Variants in MTHFD1L observed in about 807,000 individuals in gnomAD.
MTHFD1L encodes the protein monofunctional C1-tetrahydrofolate synthase, mitochondrial.
Under a neutral mutation model 119.5 loss-of-function variants are expected in MTHFD1L, and 81 were observed. That is an observed-to-expected ratio of 0.68 (90% CI 0.57 to 0.82). The LOEUF (loss-of-function observed/expected upper bound fraction) is 0.82. Ranked by LOEUF, MTHFD1L falls within the 40% of genes least tolerant of loss-of-function variation. MTHFD1L has a pLI of 0.00. For synonymous variants in MTHFD1L, 430 were observed against 475.2 expected (o/e 0.90, Z 1.24); for missense variants, 1,125 against 1,253.4 (o/e 0.90, Z 1.55).
intron 20 of MTHFD1L, among the ~76,000 whole-genome samples, chr6:150,977,996 G>T (rs1776859204): frequency 6.6e-6 from 1 of 151,264 alleles, no homozygotes; most frequent in Non-Finnish European, 1.5e-5. Context: ...CACCTCCCAG[G>T]TTCAAGCGAT....
intron 14 of MTHFD1L, 79 bp downstream of exon 14, chr6:150,944,672 T>C (rs1793655869): frequency 9.7e-7 from 1 of 1,028,100 alleles, no homozygotes; most frequent in African/African-American, 1.6e-5. Flanking sequence ...GTGGAAAGAA[T>C]TCTGGTGTCT....
intron 26 of MTHFD1L, among the ~76,000 whole-genome samples, chr6:151,061,779 C>T (rs1790675690): frequency 6.6e-6 from 1 of 152,114 alleles, no homozygotes. Flanking sequence ...TCCTTTAAAC[C>T]ACCATAGAGA....
At chr6:150,866,998 C>T (rs1012945647) in intron 1 of MTHFD1L, among the ~76,000 whole-genome samples, 3 of 152,136 alleles carry the variant, frequency 2.0e-5, no homozygotes, top group Admixed American at 6.5e-5. Context: ...CCATTCACAT[C>T]CTCTTCCCTT....
At chr6:151,087,854 T>C (rs944368188) in intron 26 of MTHFD1L, among the ~76,000 whole-genome samples, 1 of 152,250 alleles carries the variant, frequency 6.6e-6, no homozygotes, top group Non-Finnish European at 1.5e-5. Flanking sequence ...ATTAGGGTCA[T>C]GAAGGGCAAA....
At chr6:151,017,186 A>C (rs573039898) in intron 24 of MTHFD1L, among the ~76,000 whole-genome samples, 96 of 152,216 alleles carry the variant, frequency 6.3e-4, no homozygotes, top group African/African-American at 2.3e-3. Flanking sequence ...TACCCACTGA[A>C]CAACTCCCCA....
chr6:150,869,628 AT>A (rs1217668875), intron 1 of MTHFD1L, among the ~76,000 whole-genome samples: 1 of 152,052 alleles, frequency 6.6e-6, no homozygotes, highest in African/African-American at 2.4e-5. Context: ...AAGTGCTGAG[AT>A]TGCAGGCATG....
rs905251220 is a variant in MTHFD1L, at chr6:150,899,013, T to C, written c.781-6637T>C. 7 of 1,007,742 alleles carry C rather than the reference T, an allele frequency of 6.9e-6. No individual in the cohort carries two copies. In the African/African-American group the frequency reaches 1.0e-4, roughly 15 times the overall value. 62.4% of individuals were successfully genotyped at this position (1,007,742 alleles called of 1,614,324 possible). On this transcript the variant is annotated intron_variant, in intron 7 of 27. Coordinates refer to ENST00000367321, the MANE Select transcript of MTHFD1L (RefSeq NM_015440.5). ...TCCATTCCCAGAATGGTGCTGCATTTTTCCTTTTATCATCTGTCATGACTT... is the reference window on the plus strand; with the variant it reads ...TCCATTCCCAGAATGGTGCTGCATTCTTCCTTTTATCATCTGTCATGACTT...
chr6:150,915,339 G>A (rs940508584), intron 8 of MTHFD1L, among the ~76,000 whole-genome samples: 1 of 152,028 alleles, frequency 6.6e-6, no homozygotes, highest in African/African-American at 2.4e-5. Flanking sequence ...TCTTCTTCCA[G>A]TGTGGCCCAG....
intron 8 of MTHFD1L, among the ~76,000 whole-genome samples, chr6:150,906,496 G>A (rs1269690862): frequency 6.6e-6 from 1 of 152,186 alleles, no homozygotes; most frequent in African/African-American, 2.4e-5. Context: ...AGCACACCCA[G>A]GCCCTCAGCA....
Position 150,865,950 on chromosome 6 carries a change from G to C in MTHFD1L, c.128G>C (p.Arg43Pro), listed in dbSNP as rs1277656894. The change falls in exon 1 of 28, where the codon CGG (arginine) becomes CCG (proline). Residue 43 changes from arginine (R) to proline (P), a missense_variant. By Grantham distance (103) the Arg-to-Pro change is moderately radical (BLOSUM62 -2). This residue lies in a region of MTHFD1L where 1,058 missense variants were observed against 1,151.2 expected (regional missense o/e 0.92). Transcript: ENST00000367321. ...SGGGGGGGGG[R>P]EGLLGQRRPQ... is the part of the protein sequence containing the mutation. ...GGCGGCGGAGGCGGCGGCGGTGGCCGGGAGGGCCTGCTTGGACAGCGGCGG... is the reference window on the plus strand; with the variant it reads ...GGCGGCGGAGGCGGCGGCGGTGGCCCGGAGGGCCTGCTTGGACAGCGGCGG... 7 of 1,230,204 alleles carry C rather than the reference G, an allele frequency of 5.7e-6. No individual in the cohort carries two copies. The highest frequency in any genetic ancestry group is 6.3e-4 in the Middle Eastern group (2 of 3,170). 76.2% of individuals were successfully genotyped at this position (1,230,204 alleles called of 1,614,324 possible).
At chr6:151,022,290 G>C in intron 24 of MTHFD1L, 5 of 301,164 alleles carry the variant, frequency 1.7e-5, no homozygotes, top group South Asian at 1.4e-4. Flanking sequence ...TGTTGGTGGG[G>C]TGTGAGAACT....
chr6:151,062,898 G>C (rs185822362), intron 26 of MTHFD1L, among the ~76,000 whole-genome samples: 242 of 152,108 alleles, frequency 1.6e-3, no homozygotes, highest in African/African-American at 4.9e-3. Context: ...GTGGGAGGAG[G>C]GGGGAGGGAT....
intron 26 of MTHFD1L, among the ~76,000 whole-genome samples, chr6:151,046,471 G>GTGTATATATATA (rs1171603108): frequency 4.1e-4 from 15 of 36,416 alleles, no homozygotes; most frequent in East Asian, 1.6e-3. Context: ...ATGTGTGTGT[G>GTGTATATATATA]TATATATATA....
chr6:150,981,422 C>G (rs2128420305), intron 20 of MTHFD1L, among the ~76,000 whole-genome samples: 1 of 152,324 alleles, frequency 6.6e-6, no homozygotes, highest in Middle Eastern at 3.4e-3. Context: ...CCCACGGTGC[C>G]TCTGAGTTTG....
chr6:151,064,078 A>G lies in MTHFD1L; in HGVS notation c.2847+26961A>G, dbSNP rs561689702. 3.9e-5 allele frequency among the ~76,000 whole-genome samples: 6 copies of G among 152,342 alleles called. No homozygotes were observed. In the South Asian group the frequency reaches 8.3e-4, roughly 21 times the overall value. ...ACAGATTGAGAGCTTCTCAAAATGT[A>G]AAATCAAATTGTCTTTTAAAATATG... On this transcript the variant is annotated intron_variant, in intron 26 of 27. Coordinates refer to ENST00000367321, the MANE Select transcript of MTHFD1L (RefSeq NM_015440.5).
intron 7 of MTHFD1L, among the ~76,000 whole-genome samples, chr6:150,904,595 A>C (rs1785583415): frequency 6.6e-6 from 1 of 152,138 alleles, no homozygotes; most frequent in Admixed American, 6.5e-5. Flanking sequence ...CTGCAAGTCT[A>C]ATATTCCTAT....
intron 13 of MTHFD1L, among the ~76,000 whole-genome samples, chr6:150,943,865 T>C (rs1429364693): frequency 1.3e-5 from 2 of 152,206 alleles, no homozygotes; most frequent in Admixed American, 1.3e-4. Context: ...CTGTAATATT[T>C]CATATTATTT....
intron 26 of MTHFD1L, among the ~76,000 whole-genome samples, chr6:151,037,381 T>C (rs1234261046): frequency 6.6e-6 from 1 of 152,114 alleles, no homozygotes; most frequent in African/African-American, 2.4e-5. Flanking sequence ...AGAACATAAC[T>C]TGGGAGAATT....
Position 151,041,395 on chromosome 6 carries a change from C to T in MTHFD1L, c.2847+4278C>T, listed in dbSNP as rs551882808. ...TTTCCTGCTGAGATGACTGAGGGGA[C>T]GGGGAATGGGGACACCAGGGGGACT... On this transcript the variant is annotated intron_variant, in intron 26 of 27. Coordinates refer to ENST00000367321, the MANE Select transcript of MTHFD1L (RefSeq NM_015440.5). Among the ~76,000 whole-genome samples the T allele has an allele frequency of 2.9e-4, 44 of 152,162 alleles. 1 individual carries two copies. Among genetic ancestry groups the T allele is most frequent in the South Asian group, 1.0e-3 (5 of 4,810 alleles).
Sources: allele counts gnomAD v4.1 joint callset (sites outside exome capture counted in the v4.1 genomes callset), GRCh38; gene constraint gnomAD v4.1.1; regional missense constraint gnomAD v4.1.1; transcripts MANE v1.5; gene names NCBI Gene and HGNC (gene_info 2026-07-23, HGNC 2026-07-21).